Variants in MARCHF1 observed in about 807,000 individuals in gnomAD.
MARCHF1 encodes membrane associated ring-CH-type finger 1.
Under a neutral mutation model 54.2 loss-of-function variants are expected in MARCHF1, and 40 were observed. The ratio of observed to expected loss-of-function variants is 0.74; its 90% confidence interval spans 0.57 to 0.96. MARCHF1 has a LOEUF of 0.96. Among genes scored for constraint, MARCHF1 ranks in the 40% least tolerant of loss-of-function variants. MARCHF1 has a pLI of 0.00. For missense variants in MARCHF1, 586 were observed against 656.5 expected (o/e 0.89, Z 1.17); for synonymous variants, 236 against 236.3 (o/e 1.00, Z 0.01).
chr4:164,350,450 G>A (rs943350819), intron 1 of MARCHF1, among the ~76,000 whole-genome samples: 2 of 152,100 alleles, frequency 1.3e-5, no homozygotes, highest in African/African-American at 2.4e-5. Context: ...ACCATAGGAT[G>A]AATATATTTA....
chr4:164,210,487 C>G (rs1731733545), intron 1 of MARCHF1, among the ~76,000 whole-genome samples: 1 of 152,020 alleles, frequency 6.6e-6, no homozygotes. Flanking sequence ...ATTTGAGATG[C>G]CTGTATGTTA....
chr4:164,301,950 C>CT (rs1175098289), intron 1 of MARCHF1, among the ~76,000 whole-genome samples: 1 of 152,104 alleles, frequency 6.6e-6, no homozygotes, highest in African/African-American at 2.4e-5. Flanking sequence ...AAATGATTGG[C>CT]TAGGACTGTG....
chr4:164,179,387 AT>A (rs1730773138), intron 1 of MARCHF1, among the ~76,000 whole-genome samples: 1 of 148,918 alleles, frequency 6.7e-6, no homozygotes, highest in Non-Finnish European at 1.5e-5. Context: ...CCATATTCTT[AT>A]GACAAAGTAT....
intron 2 of MARCHF1, among the ~76,000 whole-genome samples, chr4:164,041,220 T>C (rs1754121958): frequency 6.6e-6 from 1 of 152,138 alleles, no homozygotes; most frequent in Non-Finnish European, 1.5e-5. Flanking sequence ...ATATTTTTTA[T>C]AGGTCAACAA....
At chr4:164,040,590 G>T (rs1208626226) in intron 2 of MARCHF1, among the ~76,000 whole-genome samples, 3 of 151,568 alleles carry the variant, frequency 2.0e-5, no homozygotes, top group East Asian at 3.9e-4. Flanking sequence ...AATGTGTGTT[G>T]ATGGTTAATA....
intron 9 of MARCHF1, 26 bp from the exon 10 acceptor site, chr4:163,529,072 T>TATC: frequency 6.4e-7 from 1 of 1,565,946 alleles, no homozygotes; most frequent in Non-Finnish European, 8.7e-7. Context: ...GAGAAAATGT[T>TATC]ATCACCAAGT....
chr4:164,233,892 C>T (rs1732480144), intron 1 of MARCHF1, among the ~76,000 whole-genome samples: 1 of 152,112 alleles, frequency 6.6e-6, no homozygotes, highest in Admixed American at 6.6e-5. Flanking sequence ...AAATGTATTT[C>T]TATAAGGTCA....
intron 4 of MARCHF1, among the ~76,000 whole-genome samples, chr4:163,849,231 A>G (rs1749575942): frequency 6.6e-6 from 1 of 152,184 alleles, no homozygotes. Context: ...AAATTTCTCT[A>G]TACCTCAGAT....
At chr4:164,059,701 T>A (rs1310524810) in intron 2 of MARCHF1, among the ~76,000 whole-genome samples, 1 of 152,114 alleles carries the variant, frequency 6.6e-6, no homozygotes. Context: ...ATAATCATGA[T>A]GCTGGGTATT....
chr4:164,241,940 C>A (rs1183952377), intron 1 of MARCHF1, among the ~76,000 whole-genome samples: 1 of 152,200 alleles, frequency 6.6e-6, no homozygotes, highest in Non-Finnish European at 1.5e-5. Context: ...AACGGTGCAC[C>A]ACGAGATTAT....
intron 1 of MARCHF1, among the ~76,000 whole-genome samples, chr4:164,176,835 C>T (rs1323430894): frequency 3.3e-5 from 5 of 151,492 alleles, no homozygotes; most frequent in African/African-American, 1.2e-4. Context: ...TGAAACAACT[C>T]ACTCTGTGAA....
At chr4:163,922,804 G>A (rs1476831160) in intron 3 of MARCHF1, among the ~76,000 whole-genome samples, 2 of 152,038 alleles carry the variant, frequency 1.3e-5, no homozygotes, top group Non-Finnish European at 2.9e-5. Context: ...ATTTCCATTT[G>A]ATTAATAAAG....
intron 3 of MARCHF1, among the ~76,000 whole-genome samples, chr4:163,897,834 A>G (rs1382531321): frequency 6.6e-6 from 1 of 151,988 alleles, no homozygotes; most frequent in Non-Finnish European, 1.5e-5. Context: ...AGGCGGGTGG[A>G]TCACGAGGTC....
intron 3 of MARCHF1, among the ~76,000 whole-genome samples, chr4:163,922,221 G>A (rs947977547): frequency 6.6e-6 from 1 of 151,688 alleles, no homozygotes. Context: ...TGTGGGGTGG[G>A]GGGAGTGGGG....
At chr4:164,364,882 C>A (rs750802448) in intron 1 of MARCHF1, among the ~76,000 whole-genome samples, 1 of 151,740 alleles carries the variant, frequency 6.6e-6, no homozygotes, top group African/African-American at 2.4e-5. Context: ...ATCTATTCAT[C>A]TTTTCACAGC....
chr4:163,921,860 G>A (rs1322977959), intron 3 of MARCHF1, among the ~76,000 whole-genome samples: 1 of 151,940 alleles, frequency 6.6e-6, no homozygotes, highest in East Asian at 1.9e-4. Flanking sequence ...CCTCTATACA[G>A]TATTAAAAAA....
At chr4:163,769,818 T>A (rs1004612007) in intron 4 of MARCHF1, among the ~76,000 whole-genome samples, 11 of 152,070 alleles carry the variant, frequency 7.2e-5, no homozygotes, top group Admixed American at 7.2e-4. Context: ...TTACTAGAGA[T>A]CAATGGTCAG....
At chr4:163,896,458 T>C (rs1750808197) in intron 3 of MARCHF1, among the ~76,000 whole-genome samples, 1 of 152,230 alleles carries the variant, frequency 6.6e-6, no homozygotes, top group African/African-American at 2.4e-5. Flanking sequence ...TTATTGTTTT[T>C]AGGGATTTCT....
chr4:163,564,126 C>A (rs1311796769), intron 8 of MARCHF1, among the ~76,000 whole-genome samples: 2 of 152,174 alleles, frequency 1.3e-5, no homozygotes, highest in Non-Finnish European at 2.9e-5. Context: ...ACCTCCTTAA[C>A]CATTCGCCTT....
Sources: allele counts gnomAD v4.1 joint callset (sites outside exome capture counted in the v4.1 genomes callset), GRCh38; gene constraint gnomAD v4.1.1; transcripts MANE v1.5; gene names NCBI Gene and HGNC (gene_info 2026-07-23, HGNC 2026-07-21).